The following COP1 variants were observed in gnomAD, a reference collection of about 807,000 sequenced individuals.
COP1 encodes E3 ubiquitin-protein ligase COP1.
Under a neutral mutation model 101.3 loss-of-function variants are expected in COP1, and 24 were observed. The observed-to-expected ratio is 0.24, with a 90% CI of 0.17 to 0.33. COP1 has a LOEUF of 0.33. Among genes scored for constraint, COP1 ranks in the 10% least tolerant of loss-of-function variants. The pLI, the probability that COP1 is intolerant of heterozygous loss-of-function variation, is 1.00. For synonymous variants in COP1, 347 were observed against 341.9 expected (o/e 1.01, Z -0.17); for missense variants, 663 against 906.2 (o/e 0.73, Z 3.45).
chr1:176,123,158 TA>T (rs996651626), intron 8 of COP1, among the ~76,000 whole-genome samples: 1 of 152,124 alleles, frequency 6.6e-6, no homozygotes, highest in Non-Finnish European at 1.5e-5. Flanking sequence ...CATCAGGGTT[TA>T]AAAAAACAAT....
chr1:176,203,850 G>C (rs191341896), intron 1 of COP1, among the ~76,000 whole-genome samples: 1 of 152,242 alleles, frequency 6.6e-6, no homozygotes, highest in South Asian at 2.1e-4. Context: ...AATTAGGTAC[G>C]TGACTATTTA....
At chr1:176,047,176 A>C (rs1671668757) in intron 11 of COP1, among the ~76,000 whole-genome samples, 1 of 152,200 alleles carries the variant, frequency 6.6e-6, no homozygotes, top group African/African-American at 2.4e-5. Context: ...TTATTCCTCA[A>C]TATGATTTAA....
At chr1:175,950,142 T>A (rs1036664132) in intron 18 of COP1, among the ~76,000 whole-genome samples, 15 of 152,128 alleles carry the variant, frequency 9.9e-5, no homozygotes, top group African/African-American at 3.4e-4. Context: ...ATATATGATG[T>A]CATATTAGAT....
At chr1:176,131,752 T>C (rs1282367177) in intron 8 of COP1, among the ~76,000 whole-genome samples, 1 of 151,922 alleles carries the variant, frequency 6.6e-6, no homozygotes, top group Non-Finnish European at 1.5e-5. Context: ...TGATTTCAAA[T>C]CGTAATCTTA....
At chr1:176,081,534 GAAA>G (rs918211552) in intron 10 of COP1, among the ~76,000 whole-genome samples, 3 of 151,178 alleles carry the variant, frequency 2.0e-5, no homozygotes, top group South Asian at 2.1e-4. Context: ...TAATTCCTTG[GAAA>G]AAAAATAATA....
At chr1:175,978,604 G>A (rs957538823) in intron 18 of COP1, among the ~76,000 whole-genome samples, 3 of 152,120 alleles carry the variant, frequency 2.0e-5, no homozygotes, top group Admixed American at 2.0e-4. Context: ...GGAGATGGGA[G>A]TCTTTCTGGA....
At chr1:176,086,901 C>CCAAACAGAGATACAGACCAAT (rs1680288051) in intron 9 of COP1, among the ~76,000 whole-genome samples, 3 of 152,050 alleles carry the variant, frequency 2.0e-5, no homozygotes, top group African/African-American at 7.2e-5. Flanking sequence ...GTACTGGTAC[C>CCAAACAGAGATACAGACCAAT]CAAACAGAGA....
chr1:175,973,917 C>T (rs1653879927), intron 18 of COP1, among the ~76,000 whole-genome samples: 1 of 152,164 alleles, frequency 6.6e-6, no homozygotes, highest in Admixed American at 6.5e-5. Context: ...AAAAACCCAG[C>T]ATTCGGTGTT....
chr1:176,004,602 G>C (rs1244651086), intron 15 of COP1, among the ~76,000 whole-genome samples: 1 of 152,102 alleles, frequency 6.6e-6, no homozygotes, highest in Non-Finnish European at 1.5e-5. Flanking sequence ...TGCATCTATT[G>C]AGATAATCAT....
chr1:176,115,754 A>C (rs1686085015), intron 9 of COP1, among the ~76,000 whole-genome samples: 1 of 152,114 alleles, frequency 6.6e-6, no homozygotes, highest in Non-Finnish European at 1.5e-5. Context: ...AAAAAATAAA[A>C]TAAAATAAAA....
intron 11 of COP1, among the ~76,000 whole-genome samples, chr1:176,050,135 G>T (rs1358296470): frequency 6.6e-6 from 1 of 151,990 alleles, no homozygotes; most frequent in Non-Finnish European, 1.5e-5. Flanking sequence ...GTGTTTCTGG[G>T]GACATAAATT....
At chr1:175,997,948 A>G (rs979768982) in intron 15 of COP1, among the ~76,000 whole-genome samples, 2 of 151,840 alleles carry the variant, frequency 1.3e-5, no homozygotes, top group African/African-American at 4.8e-5. Context: ...ACACATGCAC[A>G]CATTATGTTT....
intron 9 of COP1, among the ~76,000 whole-genome samples, chr1:176,096,084 C>T (rs1423543573): frequency 6.6e-6 from 1 of 152,166 alleles, no homozygotes; most frequent in East Asian, 1.9e-4. Flanking sequence ...CCTCATCCTT[C>T]TAGGTGTCCA....
intron 12 of COP1, among the ~76,000 whole-genome samples, chr1:176,045,348 G>T (rs559351954): frequency 6.6e-6 from 1 of 151,948 alleles, no homozygotes; most frequent in African/African-American, 2.4e-5. Flanking sequence ...ACCAATTATC[G>T]ATATAGTATT....
intron 15 of COP1, among the ~76,000 whole-genome samples, chr1:175,994,241 G>C (rs1176639493): frequency 6.6e-6 from 1 of 152,156 alleles, no homozygotes; most frequent in Admixed American, 6.5e-5. Context: ...GCTCCTGAAG[G>C]AAGCACTAAA....
intron 15 of COP1, among the ~76,000 whole-genome samples, chr1:175,992,228 C>A (rs1461404004): frequency 6.6e-6 from 1 of 152,132 alleles, no homozygotes; most frequent in East Asian, 1.9e-4. Flanking sequence ...TCTAATTATA[C>A]ATTTTCAGTT....
intron 15 of COP1, among the ~76,000 whole-genome samples, chr1:176,011,869 T>C (rs1009810436): frequency 3.3e-5 from 5 of 152,218 alleles, no homozygotes; most frequent in Admixed American, 3.3e-4. Context: ...TACACAAACC[T>C]ACTGCATTGA....
At chr1:175,982,992 G>A (rs1337805685) in intron 18 of COP1, among the ~76,000 whole-genome samples, 1 of 152,080 alleles carries the variant, frequency 6.6e-6, no homozygotes, top group African/African-American at 2.4e-5. Context: ...TAATAATAAT[G>A]TAGTGGATAT....
At chr1:175,998,437 T>C (rs2148838620) in intron 15 of COP1, among the ~76,000 whole-genome samples, 1 of 150,218 alleles carries the variant, frequency 6.7e-6, no homozygotes, top group East Asian at 2.0e-4. Flanking sequence ...ATTGTGCACA[T>C]GTACCCTAAA....
Sources: allele counts gnomAD v4.1 joint callset (sites outside exome capture counted in the v4.1 genomes callset), GRCh38; gene constraint gnomAD v4.1.1; transcripts MANE v1.5; gene names NCBI Gene and HGNC (gene_info 2026-07-23, HGNC 2026-07-21).